FLT3: variants seen among roughly 807,000 people sequenced by gnomAD.
The protein encoded by FLT3 is receptor-type tyrosine-protein kinase FLT3.
Under a neutral mutation model 126.6 loss-of-function variants are expected in FLT3, and 46 were observed. That is an observed-to-expected ratio of 0.36 (90% CI 0.29 to 0.46). FLT3 has a LOEUF of 0.46. FLT3 is among the 20% of genes least tolerant of loss of function. FLT3 has a pLI of 1.00. For missense variants in FLT3, 1,069 were observed against 1,190.3 expected (o/e 0.90, Z 1.50); for synonymous variants, 404 against 434.4 (o/e 0.93, Z 0.87).
Position 28,035,954 on chromosome 13 carries a change from A to T in FLT3, c.1399T>A (p.Cys467Ser). 6.2e-7 allele frequency: 1 copy of T among 1,613,816 alleles called. No individual in the cohort carries two copies. The highest frequency in any genetic ancestry group is 8.5e-7 in the Non-Finnish European group (1 of 1,179,690). ...YPLPSWTWKK[C>S]SDKSPNCTEE... ...TATTACTTGGGAGACTTGTCTGAAC[A>T]CTTCTTCCAGGTCCAAGATGGTAAT... is the stretch of plus-strand genomic sequence containing the variant. Residue 467 changes from cysteine (C) to serine (S), a missense_variant, in exon 11 of 24, where the codon TGT (cysteine) becomes AGT (serine). Cys to Ser is a moderately radical substitution (Grantham distance 112). Transcript: ENST00000241453.
At chr13:28,048,866 G>A (rs565804842) in intron 8 of FLT3, among the ~76,000 whole-genome samples, 1 of 152,176 alleles carries the variant, frequency 6.6e-6, no homozygotes, top group Non-Finnish European at 1.5e-5. Flanking sequence ...TGTATTTCTC[G>A]GCATTTTCAT....
chr13:28,026,630 T>C (rs997822897), intron 17 of FLT3, among the ~76,000 whole-genome samples: 1 of 152,132 alleles, frequency 6.6e-6, no homozygotes, highest in African/African-American at 2.4e-5. Flanking sequence ...CTTTACTGTG[T>C]CCCCATCACG....
intron 19 of FLT3, 86 bp from the exon 20 acceptor site, chr13:28,018,675 G>T: frequency 6.9e-7 from 1 of 1,447,374 alleles, no homozygotes. Context: ...ACTTCAGTAG[G>T]AGGTACCGGT....
At position 28,024,883 on chromosome 13, in the gene FLT3, A is replaced by G; in HGVS notation, c.2268T>C (p.His756=). The G allele has an allele frequency of 3.7e-6, 6 of 1,609,376 alleles. No homozygotes were observed. The South Asian group carries it at 4.4e-5, about 12-fold the overall frequency. Residue 756 remains histidine, a synonymous_variant, in exon 18 of 24, where the codon CAT becomes CAC. Coordinates refer to ENST00000241453, the MANE Select transcript of FLT3 (RefSeq NM_004119.3). The part of the protein sequence containing the change: ...HPDSDQISGL[H]GNSFHSEDEI... Reference sequence around the variant, plus strand: ...TACCTTCAGAGTGAAATGAATTCCCATGAAGCCCTGAGATTTGATCCGAGT... The same window carrying G: ...TACCTTCAGAGTGAAATGAATTCCCGTGAAGCCCTGAGATTTGATCCGAGT...
rs189439997 is a variant in FLT3 at position 28,011,558 on chromosome 13, C to A, written c.2859+2894G>T. Among the ~76,000 whole-genome samples the A allele has an allele frequency of 3.1e-4, 47 of 149,998 alleles. No homozygotes were observed. In the East Asian group the frequency reaches 8.6e-3, roughly 28 times the overall value. ...GCGGGCAAGATGGCTGAGACCCACG[C>A]CAAGCTCTCCTCCTTCAGACTGGCT... On this transcript the variant is annotated intron_variant, in intron 23 of 23. Transcript: ENST00000241453.
intron 23 of FLT3, among the ~76,000 whole-genome samples, chr13:28,005,198 G>A (rs373493533): frequency 2.0e-4 from 30 of 152,240 alleles, no homozygotes; most frequent in South Asian, 4.1e-4. Context: ...GCATGGCGGC[G>A]CGCGCCTGCA....
Position 28,084,835 on chromosome 13 carries a change from C to T in FLT3, c.44-14223G>A, listed in dbSNP as rs1184061458. On this transcript the variant is annotated intron_variant, in intron 1 of 23. Coordinates refer to ENST00000241453, the MANE Select transcript of FLT3 (RefSeq NM_004119.3). Reference sequence around the variant, plus strand: ...CTAAAAATACAAAAAATTAGCCGGGCGTGGTGGCGGGCGCCTGTAGTCCCA... The same window carrying T: ...CTAAAAATACAAAAAATTAGCCGGGTGTGGTGGCGGGCGCCTGTAGTCCCA... Among the ~76,000 whole-genome samples, 6 of 151,740 alleles carry T rather than the reference C, an allele frequency of 4.0e-5. No individual in the cohort carries two copies. The East Asian group carries it at 9.8e-4, about 25-fold the overall frequency.
At position 28,057,228 on chromosome 13, in the gene FLT3, A is replaced by G. The variant is rs1331867188; in HGVS notation, c.484+119T>C. On this transcript the variant is annotated intron_variant, in intron 4 of 23. Coordinates refer to ENST00000241453, the MANE Select transcript of FLT3 (RefSeq NM_004119.3). ...TGACAGGAATCTAATCAATCCAACT[A>G]CGTATCAAGGGAAACCTGAATATGT... 28 of 667,288 alleles carry G rather than the reference A, an allele frequency of 4.2e-5. No homozygotes were observed. The Admixed American group carries it at 7.0e-4, about 17-fold the overall frequency. 41.3% of individuals were successfully genotyped at this position (667,288 alleles called of 1,614,324 possible). A position where few individuals can be genotyped will look rare whatever the true frequency, so the allele number is the denominator to read the frequency against.
At chr13:28,095,468 G>T (rs1394926425) in intron 1 of FLT3, among the ~76,000 whole-genome samples, 1 of 152,060 alleles carries the variant, frequency 6.6e-6, no homozygotes, top group Non-Finnish European at 1.5e-5. Context: ...TAGAGACAGG[G>T]TTTTATCACG....
chr13:28,099,217 T>C (rs1476627385), intron 1 of FLT3, among the ~76,000 whole-genome samples: 1 of 152,188 alleles, frequency 6.6e-6, no homozygotes, highest in Non-Finnish European at 1.5e-5. Flanking sequence ...GAAAGCCCAT[T>C]ATGCTTCTGA....
chr13:28,049,208 A>C (rs1397816287), intron 8 of FLT3, among the ~76,000 whole-genome samples, 176 bp downstream of exon 8: 1 of 152,244 alleles, frequency 6.6e-6, no homozygotes, highest in African/African-American at 2.4e-5. Context: ...AGCCTGGTTT[A>C]ACGGGAAAAG....
chr13:28,052,798 T>C, intron 4 of FLT3, 124 bp from the exon 5 acceptor site: 1 of 576,354 alleles, frequency 1.7e-6, no homozygotes, highest in South Asian at 4.0e-5. Flanking sequence ...ATTTTTTTCT[T>C]TTTTCATAAT....
At chr13:28,080,589 T>G (rs889554761) in intron 1 of FLT3, among the ~76,000 whole-genome samples, 2 of 152,184 alleles carry the variant, frequency 1.3e-5, no homozygotes, top group African/African-American at 4.8e-5. Flanking sequence ...TTATCACTTA[T>G]GTAATTGGCA....
At chr13:28,013,000 C>A (rs9507978) in intron 23 of FLT3, among the ~76,000 whole-genome samples, 63,149 of 151,816 alleles carry the variant, frequency 0.42, 14,132 homozygotes, top group South Asian at 0.68. Context: ...TCTTTACCAG[C>A]TCACTTCCTG....
intron 1 of FLT3, among the ~76,000 whole-genome samples, chr13:28,079,118 T>C (rs905096821): frequency 5.9e-5 from 9 of 152,218 alleles, no homozygotes; most frequent in South Asian, 2.1e-4. Context: ...AGTCATCTCT[T>C]GAATGTGTTG....
Position 28,049,905 on chromosome 13 carries a change from C to T in FLT3, c.743-131G>A, listed in dbSNP as rs537253847. 754 of 1,122,720 alleles carry T rather than the reference C, an allele frequency of 6.7e-4. 1 individual carries two copies. Among genetic ancestry groups the T allele is most frequent in the Non-Finnish European group, 9.1e-4 (723 of 798,170 alleles). The allele number at this position is 1,122,720 out of a possible 1,614,324, so 69.5% of individuals were successfully genotyped here. ...TTACTAACCACATTAATAAAAGAAG[C>T]TTTTAGAGACTGACTCCTCTTTTAT... On this transcript the variant is annotated intron_variant, in intron 6 of 23. Transcript: ENST00000241453.
chr13:28,013,243 T>C (rs540656223), intron 23 of FLT3, among the ~76,000 whole-genome samples: 2 of 152,288 alleles, frequency 1.3e-5, no homozygotes, highest in Middle Eastern at 3.4e-3. Context: ...AACTGACTCA[T>C]AACAATTTAG....
intron 17 of FLT3, among the ~76,000 whole-genome samples, chr13:28,026,432 A>AC (rs1250007826): frequency 6.6e-6 from 1 of 152,066 alleles, no homozygotes. Flanking sequence ...CCATTCAGAG[A>AC]AAGGTGCTAC....
chr13:28,060,260 A>T (rs554281177), intron 3 of FLT3, among the ~76,000 whole-genome samples: 91 of 140,776 alleles, frequency 6.5e-4, no homozygotes, highest in African/African-American at 2.2e-3. Flanking sequence ...AAAAAAAATG[A>T]AAACAAAAAA....
Sources: gnomAD v4.1 joint callset for allele counts (sites outside exome capture counted in the v4.1 genomes callset) on GRCh38, gnomAD v4.1.1 for gene constraint, MANE v1.5 for transcripts, NCBI Gene and HGNC (gene_info 2026-07-23, HGNC 2026-07-21) for gene names.